The following OPA1 variants were observed in gnomAD, a reference collection of about 807,000 sequenced individuals.
OPA1 encodes the protein dynamin-like GTPase OPA1, mitochondrial.
A neutral mutation model predicts 152.9 loss-of-function variants in OPA1; 59 were observed. The ratio of observed to expected loss-of-function variants is 0.39; its 90% confidence interval spans 0.31 to 0.48. The LOEUF is 0.48. Ranked by LOEUF, OPA1 falls within the 20% of genes least tolerant of loss-of-function variation. The probability of loss-of-function intolerance (pLI) is 0.96; values close to 1 mark genes in which losing one functional copy is unlikely to be tolerated. For missense variants in OPA1, 1,008 were observed against 1,216.8 expected (o/e 0.83, Z 2.55); for synonymous variants, 400 against 389.9 (o/e 1.03, Z -0.31).
chr3:193,601,998 A>G (rs545686952), intron 1 of OPA1, among the ~76,000 whole-genome samples: 1 of 152,302 alleles, frequency 6.6e-6, no homozygotes, highest in African/African-American at 2.4e-5. Flanking sequence ...GAAGCCATCC[A>G]CTGATTATGG....
chr3:193,687,959 C>G (rs576381860), intron 29 of OPA1, among the ~76,000 whole-genome samples: 5 of 151,924 alleles, frequency 3.3e-5, no homozygotes, highest in Non-Finnish European at 7.4e-5. Flanking sequence ...TTTTTGGGCC[C>G]GAGTATCCTG....
rs751305897 is a variant in OPA1, at chr3:193,593,433, C to G, written c.32+24C>G. The G allele has an allele frequency of 1.0e-4, 155 of 1,517,672 alleles. No individual in the cohort carries two copies. Among genetic ancestry groups the G allele is most frequent in the Non-Finnish European group, 1.3e-4 (144 of 1,127,114 alleles). The allele number at this position is 1,517,672 out of a possible 1,614,324, so 94.0% of individuals were successfully genotyped here. On this transcript the variant is annotated intron_variant, in intron 1 of 30. Coordinates refer to ENST00000361510, the MANE Select transcript of OPA1 (RefSeq NM_130837.3). ...TGGTAAGTGCAGGCTCTAATCTGGC[C>G]CCGTTAATTCTGGGGCCTCTTGAGA...
At chr3:193,603,162 C>T (rs1465758410) in intron 1 of OPA1, among the ~76,000 whole-genome samples, 2 of 152,218 alleles carry the variant, frequency 1.3e-5, no homozygotes. Flanking sequence ...CCATGATGAG[C>T]TGTGGAGAGC....
intron 7 of OPA1, among the ~76,000 whole-genome samples, chr3:193,627,569 G>A (rs556272978): frequency 4.8e-4 from 73 of 152,268 alleles, no homozygotes; most frequent in Non-Finnish European, 8.4e-4. Flanking sequence ...AAATAAGAAT[G>A]TAGCTGTAGT....
At chr3:193,632,489 A>G (rs1037564842) in intron 8 of OPA1, among the ~76,000 whole-genome samples, 1 of 152,118 alleles carries the variant, frequency 6.6e-6, no homozygotes, top group African/African-American at 2.4e-5. Context: ...TCAAAAAGAA[A>G]AAAAAGTTAC....
chr3:193,689,493 T>C (rs1321266366), intron 29 of OPA1, among the ~76,000 whole-genome samples: 3 of 152,224 alleles, frequency 2.0e-5, no homozygotes, highest in East Asian at 1.9e-4. Flanking sequence ...ATAGTCTTTT[T>C]GCTTTTATTT....
chr3:193,645,882 T>A, intron 18 of OPA1, 82 bp downstream of exon 18: 1 of 1,086,034 alleles, frequency 9.2e-7, no homozygotes, highest in South Asian at 1.4e-5. Context: ...AAACATCAGG[T>A]TTTATAACTA....
At chr3:193,683,207 A>G (rs1720433116) in intron 29 of OPA1, among the ~76,000 whole-genome samples, 1 of 152,090 alleles carries the variant, frequency 6.6e-6, no homozygotes, top group South Asian at 2.1e-4. Context: ...CTGTTGTAAT[A>G]TGATAAAACT....
intron 8 of OPA1, among the ~76,000 whole-genome samples, chr3:193,632,417 C>CT (rs2108984726): frequency 6.6e-6 from 1 of 152,054 alleles, no homozygotes; most frequent in African/African-American, 2.4e-5. Context: ...GGAGGCGGAG[C>CT]TTGCAGTGAG....
intron 30 of OPA1, 55 bp downstream of exon 30, chr3:193,692,187 T>C (rs548415729): frequency 4.4e-4 from 402 of 912,148 alleles, no homozygotes; most frequent in Non-Finnish European, 5.8e-4. Context: ...AATTACACTT[T>C]TCTTAATAGT....
chr3:193,625,115 G>A (rs909115409), intron 6 of OPA1, among the ~76,000 whole-genome samples: 2 of 151,482 alleles, frequency 1.3e-5, no homozygotes, highest in Admixed American at 6.6e-5. Context: ...TTTCTTCCAC[G>A]TTTTTTGAGG....
chr3:193,610,209 T>G (rs1472612856), intron 1 of OPA1, among the ~76,000 whole-genome samples: 1 of 152,132 alleles, frequency 6.6e-6, no homozygotes, highest in Non-Finnish European at 1.5e-5. Context: ...TACAGATGGG[T>G]TTTTGGTGTG....
At chr3:193,596,264 C>G (rs1026349888) in intron 1 of OPA1, among the ~76,000 whole-genome samples, 2 of 119,526 alleles carry the variant, frequency 1.7e-5, no homozygotes, top group Admixed American at 1.8e-4. Flanking sequence ...CATGGTTTTA[C>G]TGTTGATTTT....
intron 1 of OPA1, 68 bp from the exon 2 acceptor site, chr3:193,614,655 C>T (rs1728745181): frequency 8.2e-7 from 1 of 1,217,470 alleles, no homozygotes; most frequent in African/African-American, 1.5e-5. Flanking sequence ...GTATATTGCT[C>T]TTTTAATGTC....
chr3:193,594,657 G>A (rs1163668251), intron 1 of OPA1, among the ~76,000 whole-genome samples: 4 of 152,114 alleles, frequency 2.6e-5, no homozygotes, highest in Non-Finnish European at 5.9e-5. Context: ...CAAAGTGCTG[G>A]GATTACAACC....
At chr3:193,672,694 C>G (rs1434474742) in intron 29 of OPA1, among the ~76,000 whole-genome samples, 1 of 151,950 alleles carries the variant, frequency 6.6e-6, no homozygotes, top group Admixed American at 6.6e-5. Flanking sequence ...CATGGTGAAA[C>G]CCCGTCTCTA....
intron 13 of OPA1, 76 bp from the exon 14 acceptor site, chr3:193,643,297 A>G: frequency 1.7e-6 from 2 of 1,189,942 alleles, no homozygotes; most frequent in South Asian, 2.5e-5. Flanking sequence ...TTTTTAGAAT[A>G]CATTTCACCA....
At chr3:193,679,116 G>A (rs933250099) in intron 29 of OPA1, among the ~76,000 whole-genome samples, 4 of 152,086 alleles carry the variant, frequency 2.6e-5, no homozygotes, top group African/African-American at 7.2e-5. Flanking sequence ...AACAGCATAC[G>A]CCAGGGCCTG....
intron 8 of OPA1, among the ~76,000 whole-genome samples, chr3:193,633,805 T>C (rs1254817138): frequency 1.3e-5 from 2 of 152,238 alleles, no homozygotes; most frequent in African/African-American, 4.8e-5. Context: ...GCTTGATAAC[T>C]ACATGTGGCT....
Sources: allele counts gnomAD v4.1 joint callset (sites outside exome capture counted in the v4.1 genomes callset), GRCh38; gene constraint gnomAD v4.1.1; transcripts MANE v1.5; gene names NCBI Gene and HGNC (gene_info 2026-07-23, HGNC 2026-07-21).